The following NCALD variants were observed in gnomAD, a reference collection of about 807,000 sequenced individuals.
NCALD encodes neurocalcin delta.
In NCALD, 10 loss-of-function variants were observed where a neutral mutation model predicts 18.6. That is an observed-to-expected ratio of 0.54 (90% CI 0.33 to 0.91). The LOEUF is 0.91. Among genes scored for constraint, NCALD ranks in the 40% least tolerant of loss-of-function variants. NCALD has a pLI of 0.03. For missense variants in NCALD, 184 were observed against 247.6 expected (o/e 0.74, Z 1.72); for synonymous variants, 88 against 87.4 (o/e 1.01, Z -0.04).
At chr8:101,788,245 A>G (rs1248557073) in intron 1 of NCALD, among the ~76,000 whole-genome samples, 1 of 152,162 alleles carries the variant, frequency 6.6e-6, no homozygotes, top group Non-Finnish European at 1.5e-5. Context: ...CGTACATATC[A>G]ATTGACTCAG....
intron 1 of NCALD, among the ~76,000 whole-genome samples, chr8:102,103,199 T>C (rs916017051): frequency 3.3e-5 from 5 of 151,724 alleles, no homozygotes; most frequent in Non-Finnish European, 7.4e-5. Flanking sequence ...TCCCCTCTAC[T>C]GTACTTGCCA....
At chr8:101,961,567 G>T (rs980569729) in intron 2 of NCALD, among the ~76,000 whole-genome samples, 2 of 152,078 alleles carry the variant, frequency 1.3e-5, no homozygotes, top group African/African-American at 4.8e-5. Flanking sequence ...TACTGCTGGG[G>T]TATTTTGGAT....
chr8:101,960,240 T>A lies in NCALD; in HGVS notation c.-156-44382A>T, dbSNP rs372513500. Among the ~76,000 whole-genome samples, 22 of 152,268 alleles carry A rather than the reference T, an allele frequency of 1.4e-4. No individual in the cohort carries two copies. In the South Asian group the frequency reaches 4.4e-3, roughly 30 times the overall value. On this transcript the variant is annotated intron_variant, in intron 2 of 6. Transcript: ENST00000311028. ...CATTTGGCCAGTGTCCAAAAGATAA[T>A]GGCAGCACCAATCAGACAAAAAACT... is the stretch of plus-strand genomic sequence containing the variant.
intron 2 of NCALD, among the ~76,000 whole-genome samples, chr8:101,713,463 A>AT (rs1563684576): frequency 6.9e-6 from 1 of 144,948 alleles, no homozygotes; most frequent in African/African-American, 2.6e-5. Context: ...ACAAAAAAAA[A>AT]CCATAAAAAA....
intron 1 of NCALD, among the ~76,000 whole-genome samples, chr8:102,089,858 G>A (rs79361176): frequency 1.3e-5 from 2 of 152,112 alleles, no homozygotes; most frequent in Non-Finnish European, 2.9e-5. Flanking sequence ...CAGTTAAAAG[G>A]GTATTCAGTT....
intron 4 of NCALD, among the ~76,000 whole-genome samples, chr8:101,807,758 T>A (rs536157355): frequency 7.4e-4 from 112 of 152,308 alleles, no homozygotes; most frequent in African/African-American, 2.6e-3. Flanking sequence ...ATAGCACCCT[T>A]GCATTGTGCT....
At chr8:101,969,557 A>G (rs982945185) in intron 2 of NCALD, among the ~76,000 whole-genome samples, 2 of 152,240 alleles carry the variant, frequency 1.3e-5, no homozygotes, top group East Asian at 1.9e-4. Context: ...TAATGAAGAC[A>G]TAAGTAAAAC....
At chr8:102,065,200 G>A (rs774138778) in intron 1 of NCALD, among the ~76,000 whole-genome samples, 10 of 151,904 alleles carry the variant, frequency 6.6e-5, no homozygotes, top group Non-Finnish European at 1.0e-4. Flanking sequence ...AACAGATTTC[G>A]ATCTGCTAAT....
At position 101,991,554 on chromosome 8, in the gene NCALD, T is replaced by G. The variant is rs536119640; in HGVS notation, c.-157+28683A>C. ...GACATAAATAGTACCAATTCATGTG[T>G]CTGAGTTCTCCTCCCAGGCAAGTAA... On this transcript the variant is annotated intron_variant, in intron 2 of 6. Coordinates refer to the NCALD transcript ENST00000311028. Among the ~76,000 whole-genome samples, 8 of 152,292 alleles carry G rather than the reference T, an allele frequency of 5.3e-5. No individual in the cohort carries two copies. In the East Asian group the frequency reaches 1.5e-3, roughly 29 times the overall value.
At chr8:101,900,768 T>G (rs1208653212) in intron 3 of NCALD, among the ~76,000 whole-genome samples, 4 of 152,024 alleles carry the variant, frequency 2.6e-5, no homozygotes, top group African/African-American at 9.7e-5. Context: ...GTTTTATGGT[T>G]TATGGTATAT....
rs923903431 is a variant in NCALD, at chr8:101,689,821, C to T, written c.485-415G>A. 2.0e-5 allele frequency among the ~76,000 whole-genome samples: 3 copies of T among 152,184 alleles called. No homozygotes were observed. The highest frequency in any genetic ancestry group is 4.8e-5 in the African/African-American group (2 of 41,434). On this transcript the variant is annotated intron_variant, in intron 3 of 3. Coordinates refer to ENST00000220931, the MANE Select transcript of NCALD (RefSeq NM_032041.3). This position sits in a 1 kb window ranked among gnomAD's most constrained non-coding sequence, Gnocchi z 4.4. Reference sequence around the variant, plus strand: ...GAATGAGCTGGGCCCTGGCAGCACCCGGTTGGTTCCCATAATGTTCCCTGG... The same window carrying T: ...GAATGAGCTGGGCCCTGGCAGCACCTGGTTGGTTCCCATAATGTTCCCTGG...
chr8:101,959,567 G>C (rs1419291539), intron 2 of NCALD, among the ~76,000 whole-genome samples: 2 of 152,106 alleles, frequency 1.3e-5, no homozygotes, highest in Admixed American at 1.3e-4. Context: ...CATTCACTGA[G>C]TTATAATCTG....
intron 4 of NCALD, among the ~76,000 whole-genome samples, chr8:101,814,081 T>C (rs1813406063): frequency 6.6e-6 from 1 of 152,026 alleles, no homozygotes; most frequent in Admixed American, 6.6e-5. Flanking sequence ...CTACCAAACA[T>C]TTAAGGAAGA....
intron 4 of NCALD, among the ~76,000 whole-genome samples, chr8:101,831,220 T>C (rs1474525135): frequency 2.0e-5 from 3 of 152,160 alleles, no homozygotes; most frequent in Non-Finnish European, 4.4e-5. Flanking sequence ...ACTGGTCTAG[T>C]GAAATAGCAT....
At chr8:102,001,357 C>T (rs1476418893) in intron 2 of NCALD, among the ~76,000 whole-genome samples, 1 of 152,114 alleles carries the variant, frequency 6.6e-6, no homozygotes, top group Admixed American at 6.5e-5. Flanking sequence ...ACAAAGTCTC[C>T]AAGAAATATG....
chr8:101,997,015 G>C (rs1821263596), intron 2 of NCALD, among the ~76,000 whole-genome samples: 1 of 152,186 alleles, frequency 6.6e-6, no homozygotes. Flanking sequence ...TATCTACTTA[G>C]AGTCAGTAAC....
intron 1 of NCALD, among the ~76,000 whole-genome samples, chr8:102,035,959 A>G (rs11780799): frequency 0.52 from 78,662 of 151,690 alleles, 21,440 homozygotes; most frequent in African/African-American, 0.64. Flanking sequence ...AACAGTTTGA[A>G]GAACACAGAG....
At chr8:101,747,654 G>A (rs1810481472) in intron 1 of NCALD, among the ~76,000 whole-genome samples, 1 of 151,952 alleles carries the variant, frequency 6.6e-6, no homozygotes, top group African/African-American at 2.4e-5. Flanking sequence ...CTTCCCTACA[G>A]ATTATCTCCT....
At chr8:102,058,537 C>G (rs1269696) in intron 1 of NCALD, among the ~76,000 whole-genome samples, 5,047 of 152,330 alleles carry the variant, frequency 0.033, 109 homozygotes, top group South Asian at 0.066. Context: ...ATTTTTAAAA[C>G]TCAGACCTCT....
Sources: gnomAD v4.1 joint callset for allele counts (sites outside exome capture counted in the v4.1 genomes callset) on GRCh38, gnomAD v4.1.1 for gene constraint, Gnocchi (gnomAD v3.1) non-coding constraint, MANE v1.5 for transcripts, NCBI Gene and HGNC (gene_info 2026-07-23, HGNC 2026-07-21) for gene names.